Variants in AK9 observed in about 807,000 individuals in gnomAD.
The protein encoded by AK9 is adenylate kinase 9, also known as adenylate kinase domain containing 1.
Under a neutral mutation model 239.6 loss-of-function variants are expected in AK9, and 191 were observed. That is an observed-to-expected ratio of 0.80 (90% confidence interval 0.71 to 0.90). The LOEUF (loss-of-function observed/expected upper bound fraction) is 0.90. Ranked by LOEUF, AK9 falls within the 40% of genes least tolerant of loss-of-function variation. The pLI is 0.00. For synonymous variants in AK9, 689 were observed against 721.0 expected, an observed-to-expected ratio of 0.96 and a Z score of 0.71; for missense variants, 1,995 against 2,214.7, an observed-to-expected ratio of 0.90 and a Z score of 1.99.
intron 29 of AK9, among the ~76,000 whole-genome samples, chr6:109,521,888 C>T (rs1244433447): frequency 6.6e-6 from 1 of 151,796 alleles, no homozygotes; most frequent in Admixed American, 6.6e-5. Context: ...AGGGTTTTTT[C>T]GTTTGTTTTA....
chr6:109,653,452 A>G (rs1218859466), intron 8 of AK9, among the ~76,000 whole-genome samples: 2 of 152,194 alleles, frequency 1.3e-5, no homozygotes, highest in African/African-American at 4.8e-5. Context: ...GCATCTCTGT[A>G]AACTGCCTTA....
rs765848267 is a variant in AK9, at chr6:109,674,237, G to A, written c.142C>T (p.Arg48Cys). ...CATTTCCATGCCTGTGTTATGTAAC[G>A]GGCTAATGTTGTTTTCCCAACACCC... ...KPGVGKTTLA[R>C]YITQAWKCIR... is the part of the protein sequence containing the mutation. Residue 48 changes from arginine (R) to cysteine (C), a missense_variant, in exon 3 of 41, where the codon CGT becomes TGT. Coordinates refer to ENST00000424296, the MANE Select transcript of AK9 (RefSeq NM_001145128.3). The A allele has an allele frequency of 3.0e-5, 48 of 1,584,662 alleles. No homozygotes were observed. Among genetic ancestry groups the A allele is most frequent in the East Asian group, 4.6e-5 (2 of 43,716 alleles).
intron 17 of AK9, among the ~76,000 whole-genome samples, chr6:109,603,360 A>G (rs1302618742): frequency 6.6e-6 from 1 of 152,198 alleles, no homozygotes. Flanking sequence ...TTGCCTAGGT[A>G]TCAGCAGCGG....
chr6:109,580,564 C>T (rs980006030), intron 19 of AK9, among the ~76,000 whole-genome samples: 1 of 152,176 alleles, frequency 6.6e-6, no homozygotes, highest in African/African-American at 2.4e-5. Flanking sequence ...GGGGGCACAG[C>T]TTTCCTCAGA....
chr6:109,531,281 G>A (rs1476862782), intron 28 of AK9, among the ~76,000 whole-genome samples: 1 of 152,094 alleles, frequency 6.6e-6, no homozygotes, highest in African/African-American at 2.4e-5. Context: ...ATGAAGCCAG[G>A]GAGGACAATT....
chr6:109,623,900 C>A (rs1381954113), intron 12 of AK9, among the ~76,000 whole-genome samples: 1 of 136,620 alleles, frequency 7.3e-6, no homozygotes, highest in Non-Finnish European at 1.5e-5. Flanking sequence ...CACACACACA[C>A]ACACATTTCT....
chr6:109,682,482 C>T (rs1348507381), intron 1 of AK9, among the ~76,000 whole-genome samples: 1 of 137,324 alleles, frequency 7.3e-6, no homozygotes, highest in Non-Finnish European at 1.6e-5. Flanking sequence ...AAAAGATCAA[C>T]AAAATATATG....
chr6:109,681,071 T>C (rs1335608875), intron 1 of AK9, among the ~76,000 whole-genome samples: 2 of 152,146 alleles, frequency 1.3e-5, no homozygotes, highest in African/African-American at 4.8e-5. Context: ...AGCATCATAG[T>C]GACAGGATCA....
At chr6:109,493,727 A>C (rs1776754572) in intron 40 of AK9, among the ~76,000 whole-genome samples, 156 bp from the exon 41 acceptor site, 1 of 152,246 alleles carries the variant, frequency 6.6e-6, no homozygotes, top group Admixed American at 6.5e-5. Context: ...GTTTTAGGTC[A>C]TAATTGCCTC....
At chr6:109,601,849 T>C (rs1156965362) in intron 17 of AK9, among the ~76,000 whole-genome samples, 1 of 150,860 alleles carries the variant, frequency 6.6e-6, no homozygotes, top group Non-Finnish European at 1.5e-5. Flanking sequence ...TTGTCTCTTT[T>C]GATCTTTGTT....
chr6:109,585,029 A>T (rs1458350587), intron 19 of AK9, 94 bp downstream of exon 19: 1 of 791,092 alleles, frequency 1.3e-6, no homozygotes, highest in African/African-American at 1.9e-5. Context: ...TATCATTTCA[A>T]TATTAAATAT....
intron 10 of AK9, among the ~76,000 whole-genome samples, chr6:109,635,205 T>C (rs148076306): frequency 2.0e-5 from 3 of 152,322 alleles, no homozygotes; most frequent in African/African-American, 7.2e-5. Context: ...CAGTTACAGC[T>C]ACACAGTTTT....
chr6:109,619,292 C>T, intron 12 of AK9, 56 bp from the exon 13 acceptor site: 1 of 1,484,112 alleles, frequency 6.7e-7, no homozygotes, highest in Non-Finnish European at 9.0e-7. Context: ...GACTATTAAA[C>T]ACATTGTTCA....
At chr6:109,609,672 A>C (rs994302996) in intron 17 of AK9, among the ~76,000 whole-genome samples, 1 of 152,232 alleles carries the variant, frequency 6.6e-6, no homozygotes, top group Non-Finnish European at 1.5e-5. Context: ...AAGAGGTTCC[A>C]TACTCTAACA....
intron 22 of AK9, among the ~76,000 whole-genome samples, chr6:109,564,511 AG>A (rs1392830204): frequency 6.6e-6 from 1 of 152,202 alleles, no homozygotes; most frequent in Non-Finnish European, 1.5e-5. Context: ...AATTAACATG[AG>A]TTTCTTAAGG....
At chr6:109,627,736 A>G (rs528384882) in intron 12 of AK9, among the ~76,000 whole-genome samples, 120 of 152,090 alleles carry the variant, frequency 7.9e-4, no homozygotes, top group Non-Finnish European at 1.6e-3. Flanking sequence ...GGTCACTGCA[A>G]CCTCCACCTC....
intron 17 of AK9, among the ~76,000 whole-genome samples, chr6:109,602,726 G>T (rs938906215): frequency 2.6e-5 from 4 of 151,982 alleles, no homozygotes; most frequent in African/African-American, 7.2e-5. Flanking sequence ...ACGTAGATTT[G>T]GTCTTTTCAC....
At chr6:109,600,221 A>G (rs1791718909) in intron 17 of AK9, among the ~76,000 whole-genome samples, 1 of 152,134 alleles carries the variant, frequency 6.6e-6, no homozygotes, top group Non-Finnish European at 1.5e-5. Flanking sequence ...GGTTTGTCAT[A>G]AATAGCTCTT....
intron 17 of AK9, among the ~76,000 whole-genome samples, chr6:109,587,908 CAG>C (rs1789720177): frequency 6.6e-6 from 1 of 152,146 alleles, no homozygotes; most frequent in Non-Finnish European, 1.5e-5. Flanking sequence ...TTCCCATTAA[CAG>C]TGTATAAATA....
Sources: gnomAD v4.1 joint callset for allele counts (sites outside exome capture counted in the v4.1 genomes callset) on GRCh38, gnomAD v4.1.1 for gene constraint, MANE v1.5 for transcripts, NCBI Gene and HGNC (gene_info 2026-07-23, HGNC 2026-07-21) for gene names.